Variants in GPR141 observed in about 807,000 individuals in gnomAD.
The protein encoded by GPR141 is probable G protein-coupled receptor 141.
A neutral mutation model predicts 6.8 loss-of-function variants in GPR141; 6 were observed. The ratio of observed to expected loss-of-function variants is 0.88; its 90% CI spans 0.48 to 1.74. The LOEUF is 1.74. Ranked by LOEUF, GPR141 falls within the 40% of genes most tolerant of loss-of-function variation. GPR141 has a pLI of 0.01. For synonymous variants in GPR141, 140 were observed against 142.3 expected (o/e 0.98, Z 0.11); for missense variants, 372 against 372.9 (o/e 1.00, Z 0.02).
At chr7:37,732,557 G>C (rs1463747829) in intron 2 of GPR141, among the ~76,000 whole-genome samples, 2 of 152,162 alleles carry the variant, frequency 1.3e-5, no homozygotes, top group Non-Finnish European at 2.9e-5. Flanking sequence ...GAAACATGCT[G>C]AGTTCAGGCA....
chr7:37,733,027 A>G (rs1812050192), intron 2 of GPR141, among the ~76,000 whole-genome samples: 1 of 152,222 alleles, frequency 6.6e-6, no homozygotes, highest in African/African-American at 2.4e-5. Flanking sequence ...AGTCTGAGCC[A>G]GGGAGCTGGT....
chr7:37,719,710 A>G (rs1811223166), intron 2 of GPR141, among the ~76,000 whole-genome samples: 1 of 152,176 alleles, frequency 6.6e-6, no homozygotes, highest in African/African-American at 2.4e-5. Flanking sequence ...AGAAAACCAG[A>G]AAAAGGGGGC....
chr7:37,689,372 C>G (rs150082729), intron 2 of GPR141, among the ~76,000 whole-genome samples: 21 of 152,136 alleles, frequency 1.4e-4, no homozygotes, highest in Admixed American at 2.6e-4. Context: ...GTATCCTTGT[C>G]TGGTTTTGGA....
At chr7:37,724,216 C>T (rs1811503177) in intron 2 of GPR141, among the ~76,000 whole-genome samples, 1 of 152,100 alleles carries the variant, frequency 6.6e-6, no homozygotes, top group Admixed American at 6.5e-5. Context: ...GAAGCCTGCT[C>T]TTTGGTGAAA....
At chr7:37,713,807 A>T (rs975131770) in intron 2 of GPR141, among the ~76,000 whole-genome samples, 1 of 152,114 alleles carries the variant, frequency 6.6e-6, no homozygotes, top group African/African-American at 2.4e-5. Context: ...ACATATTGAG[A>T]ACCTTCTAAT....
intron 2 of GPR141, among the ~76,000 whole-genome samples, chr7:37,722,426 TAAA>T (rs11323927): frequency 5.5e-5 from 8 of 144,226 alleles, no homozygotes; most frequent in Non-Finnish European, 4.5e-5. Context: ...TTCCCTCTCT[TAAA>T]AAAAAAAAAA....
At chr7:37,726,392 A>G (rs1043190993) in intron 2 of GPR141, among the ~76,000 whole-genome samples, 4 of 152,218 alleles carry the variant, frequency 2.6e-5, no homozygotes, top group Admixed American at 2.0e-4. Flanking sequence ...GCTTGCTGTA[A>G]TAATCCCATT....
At chr7:37,687,425 A>G (rs1463882211) in intron 2 of GPR141, among the ~76,000 whole-genome samples, 2 of 152,110 alleles carry the variant, frequency 1.3e-5, no homozygotes, top group Non-Finnish European at 2.9e-5. Flanking sequence ...CTCTCATCTC[A>G]GAAGCTGTTA....
At chr7:37,732,144 CTTT>C (rs1176520782) in intron 2 of GPR141, among the ~76,000 whole-genome samples, 5 of 127,618 alleles carry the variant, frequency 3.9e-5, no homozygotes, top group African/African-American at 5.8e-5. Flanking sequence ...TTCTCTCTCT[CTTT>C]TTTTTTTTTT....
rs1812675444 is a variant in GPR141 at position 37,743,610 on chromosome 7, T to C, written c.*2299T>C. On this transcript the variant is annotated 3_prime_UTR_variant, in exon 3 of 3. Coordinates refer to ENST00000334425, the MANE Select transcript of GPR141 (RefSeq NM_001381946.1). ...TATTCATGAGAATTTCATTACCTTG[T>C]AGATTATGTCATACTCTTTTCCAGA... Among the ~76,000 whole-genome samples the C allele has an allele frequency of 1.3e-5, 2 of 152,048 alleles. No homozygotes were observed. The highest frequency in any genetic ancestry group is 1.3e-4 in the Admixed American group (2 of 15,262).
intron 2 of GPR141, among the ~76,000 whole-genome samples, chr7:37,691,119 G>A (rs893011663): frequency 8.6e-5 from 13 of 151,964 alleles, no homozygotes; most frequent in African/African-American, 3.1e-4. Context: ...ATCTGTATAA[G>A]TATAGTTACT....
chr7:37,694,595 G>C (rs1809932296), intron 2 of GPR141, among the ~76,000 whole-genome samples: 1 of 152,250 alleles, frequency 6.6e-6, no homozygotes, highest in Non-Finnish European at 1.5e-5. Flanking sequence ...TTATAAAGAA[G>C]ATTGGTTTAT....
At chr7:37,721,262 A>G (rs988874867) in intron 2 of GPR141, among the ~76,000 whole-genome samples, 13 of 152,118 alleles carry the variant, frequency 8.5e-5, no homozygotes, top group African/African-American at 2.9e-4. Context: ...TAATATTTGG[A>G]ATAAAAGTAC....
intron 2 of GPR141, among the ~76,000 whole-genome samples, chr7:37,699,714 T>A (rs950687128): frequency 2.0e-5 from 3 of 152,260 alleles, no homozygotes; most frequent in Admixed American, 6.5e-5. Context: ...CTTGGATTTT[T>A]AAAAATGTAT....
At chr7:37,740,139 G>A (rs1351926869) in intron 2 of GPR141, among the ~76,000 whole-genome samples, 1 of 152,062 alleles carries the variant, frequency 6.6e-6, no homozygotes, top group East Asian at 1.9e-4. Flanking sequence ...ATCTCTCTGG[G>A]GGGCAACTTG....
Position 37,742,196 on chromosome 7 carries a change from C to G in GPR141, c.*885C>G, listed in dbSNP as rs1051968254. On this transcript the variant is annotated 3_prime_UTR_variant, in exon 3 of 3. Coordinates refer to ENST00000334425, the MANE Select transcript of GPR141 (RefSeq NM_001381946.1). ...AGTTAATTAAGATTTTTAGGGGGGA[C>G]AGAAAGTTATACTGAAATCTTTAGA... is the stretch of plus-strand genomic sequence containing the variant. Among the ~76,000 whole-genome samples the G allele has an allele frequency of 6.6e-6, 1 of 151,816 alleles. No homozygotes were observed. Among genetic ancestry groups the G allele is most frequent in the Admixed American group, 6.6e-5 (1 of 15,256 alleles).
intron 2 of GPR141, among the ~76,000 whole-genome samples, chr7:37,691,428 T>C (rs1809762654): frequency 6.6e-6 from 1 of 151,904 alleles, no homozygotes; most frequent in Non-Finnish European, 1.5e-5. Flanking sequence ...GAGAATTTAA[T>C]CCATTTACAT....
intron 2 of GPR141, among the ~76,000 whole-genome samples, chr7:37,707,656 TTAAG>T (rs1306342544): frequency 6.6e-6 from 1 of 152,166 alleles, no homozygotes; most frequent in African/African-American, 2.4e-5. Context: ...TATGGAGACA[TTAAG>T]TAAATTGCCC....
intron 2 of GPR141, among the ~76,000 whole-genome samples, chr7:37,687,819 C>T (rs1458333838): frequency 3.3e-5 from 5 of 152,112 alleles, no homozygotes. Flanking sequence ...CCCTGGAAGG[C>T]TTTACTCCAA....
Sources: allele counts gnomAD v4.1 joint callset (sites outside exome capture counted in the v4.1 genomes callset), GRCh38; gene constraint gnomAD v4.1.1; transcripts MANE v1.5; gene names NCBI Gene and HGNC (gene_info 2026-07-23, HGNC 2026-07-21).